The following ENO4 variants were observed in gnomAD, a reference collection of about 807,000 sequenced individuals.
ENO4 encodes enolase 4, also known as 2-phospho-D-glycerate hydro-lyase.
Under a neutral mutation model 63.2 loss-of-function variants are expected in ENO4, and 53 were observed. That is an observed-to-expected ratio of 0.84 (90% CI 0.67 to 1.05). ENO4 has a LOEUF of 1.05. ENO4 is among the 50% of genes least tolerant of loss of function. The pLI, the probability that ENO4 is intolerant of heterozygous loss-of-function variation, is 0.00. For missense variants in ENO4, 719 were observed against 772.0 expected (o/e 0.93, Z 0.81); for synonymous variants, 266 against 283.8 (o/e 0.94, Z 0.63).
At chr10:116,888,530 G>A (rs1436658668) in intron 10 of ENO4, among the ~76,000 whole-genome samples, 1 of 152,170 alleles carries the variant, frequency 6.6e-6, no homozygotes, top group African/African-American at 2.4e-5. Flanking sequence ...AGAGACTGGG[G>A]ACAAACTAGA....
At chr10:116,861,220 C>CT in intron 6 of ENO4, 30 bp downstream of exon 6, 1 of 515,182 alleles carries the variant, frequency 1.9e-6, no homozygotes, top group Non-Finnish European at 2.5e-6. Context: ...ATTACCTTTT[C>CT]TAAAAAAAAA....
intron 9 of ENO4, among the ~76,000 whole-genome samples, chr10:116,871,654 C>T (rs1206003064): frequency 6.6e-6 from 1 of 152,168 alleles, no homozygotes; most frequent in African/African-American, 2.4e-5. Context: ...TGAGTTGTAA[C>T]TTATGATGTG....
At chr10:116,849,830 G>A in intron 1 of ENO4, 99 bp downstream of exon 1, 2 of 1,341,798 alleles carry the variant, frequency 1.5e-6, no homozygotes, top group Non-Finnish European at 1.0e-6. Context: ...TCAGAATCTC[G>A]CATGCCAGCC....
At chr10:116,898,478 T>G (rs1232577784) in intron 10 of ENO4, among the ~76,000 whole-genome samples, 1 of 152,184 alleles carries the variant, frequency 6.6e-6, no homozygotes, top group Non-Finnish European at 1.5e-5. Context: ...AAAAGAGGTT[T>G]GCACTTAATG....
Position 116,861,705 on chromosome 10 carries a change from G to A in ENO4, c.936+515G>A, listed in dbSNP as rs1846419516. On this transcript the variant is annotated intron_variant, in intron 6 of 13. Coordinates refer to ENST00000341276, the MANE Select transcript of ENO4 (RefSeq NM_001242699.2). The stretch of plus-strand genomic sequence containing the variant: ...CTCAGTAGCCTGAAAGAGTCAATAT[G>A]CCTCTTTAAATCATGATGACCAAAG... Among the ~76,000 whole-genome samples the A allele has an allele frequency of 2.0e-5, 3 of 152,216 alleles. No individual in the cohort carries two copies. In the South Asian group the frequency reaches 6.2e-4, roughly 32 times the overall value.
In ENO4 at chr10:116,879,853, T is replaced by C; in HGVS notation, c.1606-16T>C. 1 of 1,544,804 alleles carries C rather than the reference T, an allele frequency of 6.5e-7. No individual in the cohort carries two copies. Among genetic ancestry groups the C allele is most frequent in the Non-Finnish European group, 8.7e-7 (1 of 1,144,192 alleles). On this transcript the variant is annotated splice_polypyrimidine_tract_variant and intron_variant, in intron 12 of 13. Transcript: ENST00000341276. ...ATGGCTCCTCCGTCTAAAATTAGTTTTTTCCCCCCTTTCAGGCTGTTGGGC... is the reference window on the plus strand; with the variant it reads ...ATGGCTCCTCCGTCTAAAATTAGTTCTTTCCCCCCTTTCAGGCTGTTGGGC...
At chr10:116,894,966 T>A (rs1419495171) in intron 10 of ENO4, among the ~76,000 whole-genome samples, 1 of 152,202 alleles carries the variant, frequency 6.6e-6, no homozygotes, top group Non-Finnish European at 1.5e-5. Context: ...ATCCTGCCTC[T>A]CTTTATAATA....
At chr10:116,911,676 G>A in exon 11 of ENO4, 1 of 1,533,502 alleles carries the variant, frequency 6.5e-7, no homozygotes, top group African/African-American at 1.4e-5. Context: ...CAAAGATGAG[G>A]CTAATTGTAA....
chr10:116,866,255 T>C (rs1014676300), intron 7 of ENO4, among the ~76,000 whole-genome samples: 1 of 152,242 alleles, frequency 6.6e-6, no homozygotes, highest in Non-Finnish European at 1.5e-5. Flanking sequence ...GTTTGGAAGC[T>C]GCAGTGGGAT....
At chr10:116,859,161 A>G (rs1846346172) in intron 4 of ENO4, 23 bp downstream of exon 4, 1 of 1,513,430 alleles carries the variant, frequency 6.6e-7, no homozygotes, top group Non-Finnish European at 8.8e-7. Context: ...CTTATCTTGC[A>G]GAGTCGTTAG....
downstream of ENO4, among the ~76,000 whole-genome samples, chr10:116,887,368 C>T (rs1196362676): frequency 3.3e-5 from 5 of 152,176 alleles, no homozygotes; most frequent in Non-Finnish European, 2.9e-5. Flanking sequence ...TGCTGAGCTG[C>T]GGCCTGAAGG....
At chr10:116,886,619 T>A, downstream of ENO4, 1 of 1,601,744 alleles carries the variant, frequency 6.2e-7, no homozygotes, top group Non-Finnish European at 8.5e-7. Flanking sequence ...GAGAAAATAG[T>A]TGTCTCTGAT....
intron 10 of ENO4, among the ~76,000 whole-genome samples, chr10:116,899,960 C>A (rs9421257): frequency 0.018 from 2,768 of 152,256 alleles, 76 homozygotes; most frequent in African/African-American, 0.065. Context: ...CATGTAACTA[C>A]ATTAAGTTAA....
At chr10:116,897,927 T>C (rs1172626845) in intron 10 of ENO4, among the ~76,000 whole-genome samples, 1 of 152,218 alleles carries the variant, frequency 6.6e-6, no homozygotes, top group Non-Finnish European at 1.5e-5. Context: ...CAGGCTTTTA[T>C]TGATTAAAAT....
downstream of ENO4, chr10:116,884,213 CG>C (rs750818068): frequency 1.2e-4 from 56 of 457,216 alleles, no homozygotes; most frequent in African/African-American, 2.4e-4. Context: ...GATATAAGCA[CG>C]GTTCTCCTAT....
At chr10:116,856,976 G>A (rs973437518) in intron 3 of ENO4, among the ~76,000 whole-genome samples, 15 of 145,920 alleles carry the variant, frequency 1.0e-4, no homozygotes, top group African/African-American at 3.6e-4. Flanking sequence ...GCGACAGAGC[G>A]AGACTCTGTA....
At chr10:116,879,663 G>A (rs908486137) in intron 12 of ENO4, among the ~76,000 whole-genome samples, 1 of 152,216 alleles carries the variant, frequency 6.6e-6, no homozygotes, top group Non-Finnish European at 1.5e-5. Context: ...GACTAGTAAA[G>A]TGCCTGATGG....
chr10:116,876,819 C>T (rs1456317491), intron 11 of ENO4, among the ~76,000 whole-genome samples: 30 of 152,032 alleles, frequency 2.0e-4, no homozygotes, highest in African/African-American at 6.0e-4. Flanking sequence ...GGTGTGGTGG[C>T]GGGCGCCTGT....
chr10:116,903,362 G>A (rs1847824493), intron 10 of ENO4, among the ~76,000 whole-genome samples: 3 of 152,036 alleles, frequency 2.0e-5, no homozygotes, highest in African/African-American at 7.2e-5. Context: ...GTGAAACCCT[G>A]TCTCTACTAG....
Sources: allele counts gnomAD v4.1 joint callset (sites outside exome capture counted in the v4.1 genomes callset), GRCh38; gene constraint gnomAD v4.1.1; transcripts MANE v1.5; gene names NCBI Gene and HGNC (gene_info 2026-07-23, HGNC 2026-07-21).